Variants in NXPH1 observed in about 807,000 individuals in gnomAD.
NXPH1 encodes neurexophilin-1.
A neutral mutation model predicts 23.7 loss-of-function variants in NXPH1; 5 were observed. The ratio of observed to expected loss-of-function variants is 0.21; its 90% CI spans 0.11 to 0.44. The LOEUF (loss-of-function observed/expected upper bound fraction) is 0.44. NXPH1 is among the 20% of genes least tolerant of loss of function. The probability of loss-of-function intolerance (pLI) is 0.99; values close to 1 mark genes in which losing one functional copy is unlikely to be tolerated. For missense variants in NXPH1, 324 were observed against 321.6 expected, an observed-to-expected ratio of 1.01 and a Z score of -0.06; for synonymous variants, 144 against 122.2, an observed-to-expected ratio of 1.18 and a Z score of -1.18.
intron 2 of NXPH1, among the ~76,000 whole-genome samples, chr7:8,471,770 C>G (rs1488462358): frequency 6.6e-6 from 1 of 152,062 alleles, no homozygotes; most frequent in Non-Finnish European, 1.5e-5. Flanking sequence ...TCTTACATTT[C>G]TCATTTTTAA....
chr7:8,590,939 G>T (rs1177629323), intron 2 of NXPH1, among the ~76,000 whole-genome samples: 1 of 151,970 alleles, frequency 6.6e-6, no homozygotes, highest in Non-Finnish European at 1.5e-5. Flanking sequence ...GCTTTCTGAG[G>T]CTATTAGGCT....
chr7:8,436,190 T>C (rs1252058175), intron 2 of NXPH1, among the ~76,000 whole-genome samples: 1 of 152,158 alleles, frequency 6.6e-6, no homozygotes, highest in Non-Finnish European at 1.5e-5. Flanking sequence ...AGTTTAAAAG[T>C]GAATCTACCC....
In NXPH1 at chr7:8,435,552, A is replaced by G; in HGVS notation, c.-110-52A>G. ...ACCCCCTTTCCCCGCTTGATTGTCA[A>G]GCCTAACCTTGCCCGCGTAGTCATG... On this transcript the variant is annotated intron_variant, in intron 1 of 2. Transcript: ENST00000405863. This position sits in a 1 kb window ranked among gnomAD's most constrained non-coding sequence, Gnocchi z 5.9. 1 of 660,534 alleles carries G rather than the reference A, an allele frequency of 1.5e-6. No homozygotes were observed. 40.9% of individuals were successfully genotyped at this position (660,534 alleles called of 1,614,324 possible). A position where few individuals can be genotyped will look rare whatever the true frequency, so the allele number is the denominator to read the frequency against.
At chr7:8,676,918 A>G (rs4725117) in intron 2 of NXPH1, among the ~76,000 whole-genome samples, 107,164 of 152,022 alleles carry the variant, frequency 0.7, 37,891 homozygotes, top group Middle Eastern at 0.79. Context: ...TCATCACTCT[A>G]AAGTATATGG....
At chr7:8,472,500 G>T (rs1180715567) in intron 2 of NXPH1, among the ~76,000 whole-genome samples, 2 of 152,140 alleles carry the variant, frequency 1.3e-5, no homozygotes, top group Non-Finnish European at 2.9e-5. Flanking sequence ...GACCCTGTGT[G>T]AGGCTATGGC....
intron 2 of NXPH1, among the ~76,000 whole-genome samples, chr7:8,634,666 T>G (rs1405521723): frequency 1.2e-4 from 4 of 33,682 alleles, no homozygotes; most frequent in Admixed American, 5.4e-4. Flanking sequence ...TCCAGAAGAG[T>G]TTTTTTTTTT....
chr7:8,468,471 T>A (rs1280598587), intron 2 of NXPH1, among the ~76,000 whole-genome samples: 1 of 152,152 alleles, frequency 6.6e-6, no homozygotes, highest in Non-Finnish European at 1.5e-5. Context: ...TTAAGATATT[T>A]TGTCCATGAA....
intron 2 of NXPH1, among the ~76,000 whole-genome samples, chr7:8,444,075 G>T (rs60684161): frequency 0.015 from 2,327 of 152,308 alleles, 59 homozygotes; most frequent in African/African-American, 0.053. Flanking sequence ...AGTACCGAGC[G>T]TTGGCGCTAG....
Position 8,752,473 on chromosome 7 carries a change from T to G in NXPH1, c.*704T>G, listed in dbSNP as rs1026131437. 1 of 152,554 alleles carries G rather than the reference T, an allele frequency of 6.6e-6. No homozygotes were observed. The highest frequency in any genetic ancestry group is 1.5e-5 in the Non-Finnish European group (1 of 68,036). 9.5% of individuals were successfully genotyped at this position (152,554 alleles called of 1,614,324 possible). A position where few individuals can be genotyped will look rare whatever the true frequency, so the allele number is the denominator to read the frequency against. ...TTTGGAATTTACATGTGGGCAGACA[T>G]TGGGATAACAACTTTCATCACCAAT... On this transcript the variant is annotated 3_prime_UTR_variant, in exon 3 of 3. Transcript: ENST00000405863.
At chr7:8,739,201 A>C (rs901510045) in intron 2 of NXPH1, among the ~76,000 whole-genome samples, 40 of 145,668 alleles carry the variant, frequency 2.7e-4, no homozygotes, top group Non-Finnish European at 4.1e-4. Context: ...AAAAAAAAAA[A>C]AAACCCTGCA....
chr7:8,647,198 C>T (rs556164901), intron 2 of NXPH1, among the ~76,000 whole-genome samples: 25 of 152,324 alleles, frequency 1.6e-4, no homozygotes, highest in Middle Eastern at 3.4e-3. Context: ...GCACAGGCTG[C>T]GCCTGATCCC....
At chr7:8,687,868 A>G (rs1156315260) in intron 2 of NXPH1, among the ~76,000 whole-genome samples, 1 of 152,136 alleles carries the variant, frequency 6.6e-6, no homozygotes, top group Admixed American at 6.6e-5. Flanking sequence ...CAGACTTAAC[A>G]AAAATGTTAT....
intron 2 of NXPH1, among the ~76,000 whole-genome samples, chr7:8,699,262 A>G (rs1779583195): frequency 6.6e-6 from 1 of 152,138 alleles, no homozygotes; most frequent in African/African-American, 2.4e-5. Flanking sequence ...CTTGCCTCAT[A>G]CTTGGTTAGA....
At chr7:8,622,263 C>T (rs892142232) in intron 2 of NXPH1, among the ~76,000 whole-genome samples, 1 of 152,038 alleles carries the variant, frequency 6.6e-6, no homozygotes, top group African/African-American at 2.4e-5. Flanking sequence ...TTCATTTTTC[C>T]CCAACAGATT....
chr7:8,727,081 G>A (rs1342892704), intron 2 of NXPH1, among the ~76,000 whole-genome samples: 4 of 147,984 alleles, frequency 2.7e-5, no homozygotes, highest in African/African-American at 1.0e-4. Flanking sequence ...TTTCTCTGAT[G>A]GCCAGTGATG....
intron 2 of NXPH1, among the ~76,000 whole-genome samples, chr7:8,573,854 G>C (rs1479786052): frequency 6.6e-6 from 1 of 152,096 alleles, no homozygotes; most frequent in East Asian, 1.9e-4. Context: ...AGACATCATT[G>C]ACATTTACCT....
rs1376868557 is a variant in NXPH1, at chr7:8,710,640, G to GGTTT, written c.55-40368_55-40367insGTTT. Among the ~76,000 whole-genome samples the GGTTT allele has an allele frequency of 8.1e-3, 224 of 27,672 alleles. 76 individuals are homozygous for GGTTT. The highest frequency in any genetic ancestry group is 0.045 in the Middle Eastern group (2 of 44). The allele number at this position is 27,672 out of a possible 152,430, so 18.2% of individuals were successfully genotyped here. A position where few individuals can be genotyped will look rare whatever the true frequency, so the allele number is the denominator to read the frequency against. On this transcript the variant is annotated intron_variant, in intron 2 of 2. Coordinates refer to ENST00000405863, the MANE Select transcript of NXPH1 (RefSeq NM_152745.3). The stretch of plus-strand genomic sequence containing the variant: ...TTGAACAAAGCATGTCAACTGTTAC[G>GGTTT]TTTTTTGTTTTTTTTTTTTTTTTTT...
intron 2 of NXPH1, among the ~76,000 whole-genome samples, chr7:8,476,091 C>T (rs1001221148): frequency 3.3e-5 from 5 of 152,156 alleles, no homozygotes; most frequent in African/African-American, 9.7e-5. Flanking sequence ...AGTTCTTCTA[C>T]AGTAGGTTTC....
chr7:8,669,657 C>T (rs751190336), intron 2 of NXPH1, among the ~76,000 whole-genome samples: 1 of 152,060 alleles, frequency 6.6e-6, no homozygotes, highest in Non-Finnish European at 1.5e-5. Flanking sequence ...TGTGTGCTTG[C>T]CCAGCTGTGT....
Sources: gnomAD v4.1 joint callset for allele counts (sites outside exome capture counted in the v4.1 genomes callset) on GRCh38, gnomAD v4.1.1 for gene constraint, Gnocchi (gnomAD v3.1) non-coding constraint, MANE v1.5 for transcripts, NCBI Gene and HGNC (gene_info 2026-07-23, HGNC 2026-07-21) for gene names.